Variants in ELL3 observed in about 807,000 individuals in gnomAD.
ELL3 encodes elongation factor for RNA polymerase II 3, also known as RNA polymerase II elongation factor ELL3.
ELL3 carries 48 observed loss-of-function variants against 58.5 expected under a neutral mutation model. The ratio of observed to expected loss-of-function variants is 0.82; its 90% confidence interval spans 0.65 to 1.04. The LOEUF is 1.04. ELL3 is among the 50% of genes least tolerant of loss of function. ELL3 has a pLI of 0.00. For missense variants in ELL3, 458 were observed against 478.4 expected (o/e 0.96, Z 0.40); for synonymous variants, 174 against 173.2 (o/e 1.00, Z -0.04).
chr15:43,774,710 C>T lies in ELL3; in HGVS notation c.709G>A (p.Val237Met), dbSNP rs762732572. The part of the protein sequence containing the change: ...EEKRFRTLPL[V>M]PSPLQGLTNQ... ...GTCAGGCCTTGTAGGGGGCTTGGCA[C>T]TAAAGGCAGAGTTCTGAACCTCTTT... The change falls in exon 7 of 11, where the codon GTG (valine) becomes ATG (methionine). Residue 237 changes from valine to methionine, a missense_variant. Transcript: ENST00000319359. The T allele has an allele frequency of 6.2e-7, 1 of 1,613,988 alleles. No individual in the cohort carries two copies. The highest frequency in any genetic ancestry group is 1.3e-5 in the African/African-American group (1 of 74,898).
intron 2 of ELL3, 87 bp from the exon 3 acceptor site, chr15:43,776,238 T>A: frequency 7.8e-7 from 1 of 1,277,562 alleles, no homozygotes; most frequent in Non-Finnish European, 1.1e-6. Context: ...AGTCCGTAAG[T>A]AAGACTAAGA....
Position 43,776,943 on chromosome 15 carries a change from AG to A in ELL3, c.-43del. The stretch of plus-strand genomic sequence containing the variant: ...GCAAGCAGCACGGGGGCCACAGGCG[AG>A]GGCCACCACCGCCACCTCCTCTGTT... On this transcript the variant is annotated 5_prime_UTR_variant, in exon 1 of 11. Transcript: ENST00000319359. 1 of 1,602,592 alleles carries A rather than the reference AG, an allele frequency of 6.2e-7. No homozygotes were observed.
chr15:43,776,408 G>T, intron 2 of ELL3, 101 bp downstream of exon 2: 1 of 1,520,274 alleles, frequency 6.6e-7, no homozygotes, highest in South Asian at 1.2e-5. Context: ...CTCAGACCGT[G>T]ACTACTCGCA....
chr15:43,776,438 C>T, intron 2 of ELL3, 71 bp downstream of exon 2: 6 of 1,551,378 alleles, frequency 3.9e-6, no homozygotes, highest in South Asian at 1.2e-5. Flanking sequence ...CCCGACCGCA[C>T]CTTCCACCTC....
rs1006384024 is a variant in ELL3 at position 43,774,531 on chromosome 15, CA to C, written c.824-14del. 6.2e-7 allele frequency: 1 copy of C among 1,614,128 alleles called. No individual in the cohort carries two copies. The highest frequency in any genetic ancestry group is 1.3e-5 in the African/African-American group (1 of 75,048). On this transcript the variant is annotated splice_polypyrimidine_tract_variant and intron_variant, in intron 7 of 10. Coordinates refer to ENST00000319359, the MANE Select transcript of ELL3 (RefSeq NM_025165.3). ...GGGGATTCAGAATCTAGGAAGGAAGCAAGAAAACACAAGTGATTATAAGTCT... is the reference window on the plus strand; with the variant it reads ...GGGGATTCAGAATCTAGGAAGGAAGCAGAAAACACAAGTGATTATAAGTCT...
rs1030763566 is a variant in ELL3 at position 43,774,581 on chromosome 15, C to G, written c.823+15G>C. The G allele has an allele frequency of 1.2e-6, 2 of 1,613,806 alleles. No homozygotes were observed. Among genetic ancestry groups the G allele is most frequent in the African/African-American group, 2.7e-5 (2 of 75,026 alleles). ...CTTTTCCACTGGCATTTTTACCCTC[C>G]TCTCATTAACTCACCTTCTTGAACT... On this transcript the variant is annotated intron_variant, in intron 7 of 10. Coordinates refer to ENST00000319359, the MANE Select transcript of ELL3 (RefSeq NM_025165.3).
intron 6 of ELL3, 22 bp downstream of exon 6, chr15:43,775,284 A>AT (rs777397774): frequency 2.6e-6 from 4 of 1,567,822 alleles, no homozygotes; most frequent in Non-Finnish European, 3.5e-6. Context: ...ACAAAAAAAA[A>AT]GCCCTTGCCA....
In ELL3 at chr15:43,772,664, T is replaced by C. The variant is rs1409422040; in HGVS notation, c.*452A>G. On this transcript the variant is annotated 3_prime_UTR_variant, in exon 11 of 11. Coordinates refer to ENST00000319359, the MANE Select transcript of ELL3 (RefSeq NM_025165.3). ...TTGGTAAAAGTTCATTTTCAGTACA[T>C]GGGTAACACCCAGGCCCTTTCCCAT... 1 of 152,902 alleles carries C rather than the reference T, an allele frequency of 6.5e-6. No individual in the cohort carries two copies. The highest frequency in any genetic ancestry group is 1.5e-5 in the Non-Finnish European group (1 of 68,544). 9.5% of individuals were successfully genotyped at this position (152,902 alleles called of 1,614,324 possible).
At position 43,774,636 on chromosome 15, in the gene ELL3, G is replaced by A. The variant is rs1343828308; in HGVS notation, c.783C>T (p.Asp261=). 3 of 1,614,026 alleles carry A rather than the reference G, an allele frequency of 1.9e-6. No homozygotes were observed. In the African/African-American group the frequency reaches 4.0e-5, roughly 22 times the overall value. Residue 261 remains aspartate, a synonymous_variant, in exon 7 of 11, where the codon GAC becomes GAT. Coordinates refer to ENST00000319359, the MANE Select transcript of ELL3 (RefSeq NM_025165.3). ...EGEDWEQEDE[D]MDPRLEHSSS... Reference sequence around the variant, plus strand: ...AACTGTGTTCTAATCTGGGGTCCATGTCCTCATCTTCTTGCTCCCAATCTT... The same window carrying A: ...AACTGTGTTCTAATCTGGGGTCCATATCCTCATCTTCTTGCTCCCAATCTT...
chr15:43,774,333 C>T lies in ELL3; in HGVS notation c.887G>A (p.Ser296Asn), dbSNP rs1282977546. 1 of 1,614,100 alleles carries T rather than the reference C, an allele frequency of 6.2e-7. No individual in the cohort carries two copies. Among genetic ancestry groups the T allele is most frequent in the African/African-American group, 1.3e-5 (1 of 74,938 alleles). ...CTCATAGGCATGTTGCTGTTCTGCA[C>T]TGTGGATGGCCCTGTATTGCCTGCC... ...DYLLQYRAIH[S>N]AEQQHAYEQD... The change falls in exon 9 of 11, where the codon AGT (serine) becomes AAT (asparagine). Residue 296 changes from serine to asparagine, a missense_variant. Transcript: ENST00000319359.
At chr15:43,774,161 C>T (rs760098889) in intron 9 of ELL3, 21 bp downstream of exon 9, 97 of 1,609,968 alleles carry the variant, frequency 6.0e-5, no homozygotes, top group Non-Finnish European at 7.8e-5. Context: ...GCTGGAAAGC[C>T]AGGCTGGGTC....
In ELL3 at chr15:43,775,545, G is replaced by C. The variant is rs982638159; in HGVS notation, c.549C>G (p.His183Gln). The C allele has an allele frequency of 6.2e-7, 1 of 1,614,050 alleles. No homozygotes were observed. The highest frequency in any genetic ancestry group is 8.5e-7 in the Non-Finnish European group (1 of 1,180,046). Residue 183 changes from histidine (H) to glutamine (Q), a missense_variant, in exon 5 of 11, where the codon CAC (histidine) becomes CAG (glutamine). Physicochemically the swap from His to Gln is conservative, Grantham distance 24 (BLOSUM62 0). Coordinates refer to ENST00000319359, the MANE Select transcript of ELL3 (RefSeq NM_025165.3). ...AGTACCTCACTTCCCACTGTGCCAT[G>C]TGCTCCCTTGAGGATCCTGGGAGTG... is the stretch of plus-strand genomic sequence containing the variant. ...GQSLPGSSREHMAQWEVRSQT... is the reference protein window; with the variant it reads ...GQSLPGSSREQMAQWEVRSQT...
chr15:43,776,441 T>C, intron 2 of ELL3, 68 bp downstream of exon 2: 1 of 1,551,530 alleles, frequency 6.4e-7, no homozygotes, highest in Non-Finnish European at 8.7e-7. Flanking sequence ...GACCGCACCT[T>C]CCACCTCCAG....
In ELL3 at chr15:43,774,769, C is replaced by G. The variant is rs371276064; in HGVS notation, c.650G>C (p.Arg217Pro). ...SASRKRLDKK[R>P]SVPVATVELE... ...TTCTACAGTGGCTACAGGCACTGAA[C>G]GTTTCTGTTGAGGAAAATATCTGTG... Residue 217 changes from arginine (R) to proline (P), a missense_variant, in exon 7 of 11, where the codon CGT (arginine) becomes CCT (proline). By Grantham distance (103) the Arg-to-Pro change is moderately radical (BLOSUM62 -2). Transcript: ENST00000319359. The G allele has an allele frequency of 6.3e-7, 1 of 1,596,670 alleles. No individual in the cohort carries two copies.
chr15:43,773,452 G>T, intron 9 of ELL3, 104 bp from the exon 10 acceptor site: 1 of 1,226,936 alleles, frequency 8.2e-7, no homozygotes, highest in Non-Finnish European at 1.2e-6. Context: ...GGGCGGCTGA[G>T]GCAGGCAGAT....
intron 3 of ELL3, 27 bp from the exon 4 acceptor site, chr15:43,775,950 G>A: frequency 6.2e-7 from 1 of 1,613,618 alleles, no homozygotes; most frequent in Non-Finnish European, 8.5e-7. Flanking sequence ...GAAAAAAATA[G>A]GAGGGTGGAG....
At chr15:43,774,145 A>G in intron 9 of ELL3, 37 bp downstream of exon 9, 2 of 1,607,484 alleles carry the variant, frequency 1.2e-6, no homozygotes, top group South Asian at 2.2e-5. Flanking sequence ...GTTAATGGCC[A>G]GTAGAGCTGG....
chr15:43,772,901 T>C lies in ELL3; in HGVS notation c.*215A>G, dbSNP rs2086889620. ...CAAGCCTCTGTCACTTTTCCTAGAC[T>C]CCTAGGCACAGCTATGGAGTCTTTG... On this transcript the variant is annotated 3_prime_UTR_variant, in exon 11 of 11. Transcript: ENST00000319359. 2.5e-6 allele frequency: 1 copy of C among 404,390 alleles called. No homozygotes were observed. Among genetic ancestry groups the C allele is most frequent in the South Asian group, 8.8e-5 (1 of 11,350 alleles). 25.1% of individuals were successfully genotyped at this position (404,390 alleles called of 1,614,324 possible).
chr15:43,774,069 A>G (rs1035361522), intron 9 of ELL3, 113 bp downstream of exon 9: 2 of 1,379,528 alleles, frequency 1.4e-6, no homozygotes, highest in Non-Finnish European at 2.0e-6. Flanking sequence ...TTTCCCTTCA[A>G]ACAGGTTTCC....
Sources: allele counts gnomAD v4.1 joint callset, GRCh38; gene constraint gnomAD v4.1.1; transcripts MANE v1.5; gene names NCBI Gene and HGNC (gene_info 2026-07-23, HGNC 2026-07-21).